Variants in PBX3 observed in about 807,000 individuals in gnomAD.
The protein encoded by PBX3 is PBX homeobox 3.
A neutral mutation model predicts 48.5 loss-of-function variants in PBX3; 14 were observed. That is an observed-to-expected ratio of 0.29 (90% CI 0.19 to 0.45). The LOEUF is 0.45. PBX3 is among the 20% of genes least tolerant of loss of function. The pLI, the probability that PBX3 is intolerant of heterozygous loss-of-function variation, is 1.00. For missense variants in PBX3, 386 were observed against 546.7 expected, an observed-to-expected ratio of 0.71 and a Z score of 2.93; for synonymous variants, 210 against 200.3, an observed-to-expected ratio of 1.05 and a Z score of -0.41.
chr9:125,919,255 G>A (rs1193099843), intron 3 of PBX3, among the ~76,000 whole-genome samples: 1 of 150,400 alleles, frequency 6.6e-6, no homozygotes, highest in Non-Finnish European at 1.5e-5. Context: ...ACTCTGTCAC[G>A]CAGGCTGGAG....
chr9:125,815,862 AT>A (rs1452203395), intron 2 of PBX3, among the ~76,000 whole-genome samples: 1 of 151,826 alleles, frequency 6.6e-6, no homozygotes, highest in Non-Finnish European at 1.5e-5. Context: ...CCTCCTTCTC[AT>A]TGTAGATTTG....
chr9:125,875,139 T>G (rs1214366757), intron 2 of PBX3, among the ~76,000 whole-genome samples: 2 of 152,168 alleles, frequency 1.3e-5, no homozygotes, highest in African/African-American at 4.8e-5. Flanking sequence ...TACATGGAAC[T>G]CCTAGTGTAC....
intron 5 of PBX3, among the ~76,000 whole-genome samples, chr9:125,958,528 A>G (rs957398661): frequency 6.6e-6 from 1 of 152,222 alleles, no homozygotes; most frequent in Admixed American, 6.5e-5. Flanking sequence ...AGGGAACCAG[A>G]TTGTAGTTCA....
rs558855189 is a variant in PBX3, at chr9:125,939,488, G to C, written c.843+3881G>C. Among the ~76,000 whole-genome samples the C allele has an allele frequency of 3.3e-5, 5 of 152,096 alleles. No homozygotes were observed. In the South Asian group the frequency reaches 1.0e-3, roughly 32 times the overall value. ...TAGCAGTAGGAGCCCTTATAATATT[G>C]GTGGTAGGGATGTAAATTGATATAG... On this transcript the variant is annotated intron_variant, in intron 5 of 8. Coordinates refer to ENST00000373489, the MANE Select transcript of PBX3 (RefSeq NM_006195.6).
intron 7 of PBX3, among the ~76,000 whole-genome samples, 164 bp downstream of exon 7, chr9:125,962,378 A>G (rs1842449198): frequency 6.6e-6 from 1 of 152,230 alleles, no homozygotes; most frequent in Non-Finnish European, 1.5e-5. Context: ...TGAGAAGTCA[A>G]GTGAACAGTG....
chr9:125,948,301 T>G (rs190801745), intron 5 of PBX3, among the ~76,000 whole-genome samples: 3 of 152,250 alleles, frequency 2.0e-5, no homozygotes, highest in African/African-American at 7.2e-5. Context: ...ATTCTAATTT[T>G]AAGCACTTAT....
rs745952264 is a variant in PBX3, at chr9:125,949,733, G to A, written c.844-10951G>A. On this transcript the variant is annotated intron_variant, in intron 5 of 8. Transcript: ENST00000373489. ...AGGAGTAGTGGTTGAATAAATAAGC[G>A]TTTCCCTTAAACAAGAGGCGTGACT... is the stretch of plus-strand genomic sequence containing the variant. Among the ~76,000 whole-genome samples, 3 of 152,142 alleles carry A rather than the reference G, an allele frequency of 2.0e-5. No homozygotes were observed. The East Asian group carries it at 5.8e-4, about 29-fold the overall frequency.
intron 6 of PBX3, among the ~76,000 whole-genome samples, chr9:125,961,899 A>C (rs73667812): frequency 0.024 from 3,605 of 152,262 alleles, 161 homozygotes; most frequent in African/African-American, 0.082. Context: ...GGGCTTCCCC[A>C]CTGATGGGAC....
intron 2 of PBX3, among the ~76,000 whole-genome samples, chr9:125,791,297 GTCTGTCT>G (rs1837597309): frequency 7.8e-6 from 1 of 127,980 alleles, no homozygotes; most frequent in African/African-American, 3.2e-5. Flanking sequence ...CTGTCTGTCT[GTCTGTCT>G]ATCTATCTAT....
intron 5 of PBX3, among the ~76,000 whole-genome samples, chr9:125,935,861 C>T (rs1030506327): frequency 2.2e-4 from 33 of 152,214 alleles, no homozygotes; most frequent in African/African-American, 7.5e-4. Context: ...AGGACATAAA[C>T]ATGCCATGGG....
In PBX3 at chr9:125,818,834, G is replaced by GATT. The variant is rs1193087399; in HGVS notation, c.274+70213_274+70214insTAT. ...TTATTATTTTGAAGATGATGATGAT[G>GATT]ATGATTATTATTATTATTTGAGACG... On this transcript the variant is annotated intron_variant, in intron 2 of 8. Coordinates refer to ENST00000373489, the MANE Select transcript of PBX3 (RefSeq NM_006195.6). Among the ~76,000 whole-genome samples, 20 of 151,626 alleles carry GATT rather than the reference G, an allele frequency of 1.3e-4. 1 individual carries two copies. The highest frequency in any genetic ancestry group is 8.5e-4 in the Admixed American group (13 of 15,220).
chr9:125,812,790 G>C (rs1291852560), intron 2 of PBX3, among the ~76,000 whole-genome samples: 3 of 152,216 alleles, frequency 2.0e-5, no homozygotes, highest in African/African-American at 7.2e-5. Flanking sequence ...TAGGCTACAA[G>C]TCCATACAGC....
At position 125,791,781 on chromosome 9, in the gene PBX3, A is replaced by C. The variant is rs1310353305; in HGVS notation, c.274+43158A>C. Among the ~76,000 whole-genome samples the C allele has an allele frequency of 6.6e-5, 10 of 151,994 alleles. No homozygotes were observed. The South Asian group carries it at 2.1e-3, about 32-fold the overall frequency. On this transcript the variant is annotated intron_variant, in intron 2 of 8. Coordinates refer to ENST00000373489, the MANE Select transcript of PBX3 (RefSeq NM_006195.6). ...AAACCCCGTCTCTACTGAAAATAGA[A>C]AAAAATTAGCCGGGCGTGGTGGCAG...
rs182352627 is a variant in PBX3 at position 125,838,068 on chromosome 9, T to C, written c.275-77618T>C. On this transcript the variant is annotated intron_variant, in intron 2 of 8. Transcript: ENST00000373489. The stretch of plus-strand genomic sequence containing the variant: ...AGGTTGTACCATCTTTTCTTTCTTT[T>C]GTTTTTGAGACAGGGTTTTGTTCTA... Among the ~76,000 whole-genome samples the C allele has an allele frequency of 2.2e-4, 33 of 152,362 alleles. 1 individual carries two copies. Among genetic ancestry groups the C allele is most frequent in the African/African-American group, 7.7e-4 (32 of 41,594 alleles).
intron 4 of PBX3, among the ~76,000 whole-genome samples, chr9:125,932,726 CTGA>C (rs150891439): frequency 7.4e-4 from 112 of 152,310 alleles, no homozygotes; most frequent in Middle Eastern, 3.4e-3. Context: ...CTTATTTCTG[CTGA>C]TACTTTCCCA....
chr9:125,771,215 A>G (rs114840526), intron 2 of PBX3, among the ~76,000 whole-genome samples: 1,684 of 152,298 alleles, frequency 0.011, 30 homozygotes, highest in African/African-American at 0.039. Context: ...ATATCACACT[A>G]TTGTTCAAAT....
chr9:125,963,553 G>A (rs980434880), intron 8 of PBX3, among the ~76,000 whole-genome samples: 24 of 152,214 alleles, frequency 1.6e-4, no homozygotes, highest in African/African-American at 5.1e-4. Context: ...AATGTGGGAT[G>A]CACAACATAT....
chr9:125,944,830 A>G (rs1399390397), intron 5 of PBX3, among the ~76,000 whole-genome samples: 1 of 152,190 alleles, frequency 6.6e-6, no homozygotes, highest in Non-Finnish European at 1.5e-5. Flanking sequence ...AGCCTGAACT[A>G]AAACCCCAAC....
chr9:125,760,644 A>G (rs2131973719), intron 2 of PBX3, among the ~76,000 whole-genome samples: 1 of 152,300 alleles, frequency 6.6e-6, no homozygotes, highest in African/African-American at 2.4e-5. Flanking sequence ...AATTTGGTAA[A>G]CATAAACATT....
Sources: allele counts gnomAD v4.1 joint callset (sites outside exome capture counted in the v4.1 genomes callset), GRCh38; gene constraint gnomAD v4.1.1; transcripts MANE v1.5; gene names NCBI Gene and HGNC (gene_info 2026-07-23, HGNC 2026-07-21).